The following UNC13A variants were observed in gnomAD, a reference collection of about 807,000 sequenced individuals.
UNC13A encodes the protein protein unc-13 homolog A.
In UNC13A, 61 loss-of-function variants were observed where a neutral mutation model predicts 219.7. The observed-to-expected ratio is 0.28, with a 90% CI of 0.23 to 0.34. The LOEUF (loss-of-function observed/expected upper bound fraction) is 0.34. Ranked by LOEUF, UNC13A falls within the 10% of genes least tolerant of loss-of-function variation. The pLI, the probability that UNC13A is intolerant of heterozygous loss-of-function variation, is 1.00. For synonymous variants in UNC13A, 920 were observed against 884.6 expected (o/e 1.04, Z -0.71); for missense variants, 1,476 against 2,270.3 (o/e 0.65, Z 7.11).
At chr19:17,656,499 G>T (rs8106594) in intron 9 of UNC13A, 101 bp from the exon 10 acceptor site, 225,278 of 1,189,008 alleles carry the variant, frequency 0.19, 23,167 homozygotes, top group African/African-American at 0.35. Flanking sequence ...GAGCACCTAC[G>T]ATGTGCCAGG....
chr19:17,610,680 C>T (rs1049260245), intron 42 of UNC13A, among the ~76,000 whole-genome samples: 8 of 152,094 alleles, frequency 5.3e-5, no homozygotes, highest in Admixed American at 1.3e-4. Flanking sequence ...TTCCTCTAGC[C>T]GCAGTCTGCA....
chr19:17,623,092 G>C (rs2076745841), intron 36 of UNC13A: 1 of 166,828 alleles, frequency 6.0e-6, no homozygotes, highest in African/African-American at 2.4e-5. Flanking sequence ...AGAGGAATCA[G>C]AAGTAGAGAC....
intron 16 of UNC13A, 96 bp from the exon 17 acceptor site, chr19:17,647,588 A>G: frequency 8.1e-7 from 1 of 1,239,206 alleles, no homozygotes. Flanking sequence ...AACCGGGGGG[A>G]CTCAGGTGTC....
At chr19:17,652,605 C>G in intron 12 of UNC13A, 26 bp downstream of exon 12, 1 of 1,613,776 alleles carries the variant, frequency 6.2e-7, no homozygotes, top group South Asian at 1.1e-5. Flanking sequence ...AATCTTCCTC[C>G]CACCGCTCAC....
At chr19:17,648,356 C>T (rs1479187243) in intron 16 of UNC13A, 75 bp downstream of exon 16, 2 of 994,706 alleles carry the variant, frequency 2.0e-6, no homozygotes, top group African/African-American at 3.6e-5. Context: ...CCTTGCCCTT[C>T]AGCCTTTCCC....
intron 26 of UNC13A, among the ~76,000 whole-genome samples, chr19:17,633,575 A>T (rs1198522061): frequency 1.3e-5 from 2 of 150,346 alleles, no homozygotes; most frequent in East Asian, 3.9e-4. Context: ...CCATCCAACC[A>T]TCCCTTCATC....
intron 43 of UNC13A, among the ~76,000 whole-genome samples, chr19:17,609,014 A>G (rs1195986777): frequency 5.0e-5 from 7 of 139,324 alleles, no homozygotes; most frequent in African/African-American, 1.1e-4. Context: ...CTGGAGTGCA[A>G]TGGCTCGATC....
chr19:17,654,273 A>G (rs549277953), intron 11 of UNC13A, among the ~76,000 whole-genome samples: 1 of 152,190 alleles, frequency 6.6e-6, no homozygotes, highest in African/African-American at 2.4e-5. Flanking sequence ...TTTCTTGTAT[A>G]TCACATAGTT....
intron 8 of UNC13A, among the ~76,000 whole-genome samples, chr19:17,659,746 G>C (rs760682533): frequency 6.6e-6 from 1 of 152,164 alleles, no homozygotes; most frequent in Admixed American, 6.6e-5. Flanking sequence ...TGCAGTCTGG[G>C]TGTCAGAATG....
chr19:17,624,989 T>C (rs2076767820), intron 34 of UNC13A, 37 bp from the exon 35 acceptor site: 1 of 1,598,500 alleles, frequency 6.3e-7, no homozygotes, highest in Non-Finnish European at 8.5e-7. Flanking sequence ...AGGGCCCAGC[T>C]CGCCCCCACC....
At position 17,640,057 on chromosome 19, in the gene UNC13A, C is replaced by T. The variant is rs1488905629; in HGVS notation, c.2788-149G>A. Reference sequence around the variant, plus strand: ...TGGCATTTTTTTTTTTGTTTTGAGACAGAGTCTTGCTCTGTTGCCCAGGCT... The same window carrying T: ...TGGCATTTTTTTTTTTGTTTTGAGATAGAGTCTTGCTCTGTTGCCCAGGCT... On this transcript the variant is annotated intron_variant, in intron 22 of 43. Coordinates refer to ENST00000519716, the MANE Select transcript of UNC13A (RefSeq NM_001080421.3). The T allele has an allele frequency of 2.3e-5, 18 of 796,346 alleles. 1 individual carries two copies. The highest frequency in any genetic ancestry group is 8.6e-5 in the East Asian group (3 of 34,818). The allele number at this position is 796,346 out of a possible 1,614,324, so 49.3% of individuals were successfully genotyped here. A position where few individuals can be genotyped will look rare whatever the true frequency, so the allele number is the denominator to read the frequency against.
chr19:17,630,785 T>A lies in UNC13A; in HGVS notation c.3429-35A>T, dbSNP rs751612908. The A allele has an allele frequency of 3.1e-6, 5 of 1,591,488 alleles. No homozygotes were observed. The African/African-American group carries it at 6.7e-5, about 21-fold the overall frequency. ...AGAGCCGGGGTGGGGCTCTGCCACC[T>A]CTTGTCCTCCTCAACCTCTGCGCCG... On this transcript the variant is annotated intron_variant, in intron 28 of 43. Transcript: ENST00000519716.
intron 40 of UNC13A, among the ~76,000 whole-genome samples, 159 bp downstream of exon 40, chr19:17,618,262 C>T (rs1424740909): frequency 6.6e-6 from 1 of 152,248 alleles, no homozygotes; most frequent in Non-Finnish European, 1.5e-5. Context: ...CTTAAGGCTC[C>T]AGCATTAGCC....
At chr19:17,621,277 T>C (rs1321725762) in intron 37 of UNC13A, among the ~76,000 whole-genome samples, 1 of 152,112 alleles carries the variant, frequency 6.6e-6, no homozygotes, top group Non-Finnish European at 1.5e-5. Flanking sequence ...GGACACTGAA[T>C]GTGCCCCGCA....
Position 17,639,225 on chromosome 19 carries a change from G to A in UNC13A, c.2947-8C>T. 6.2e-7 allele frequency: 1 copy of A among 1,613,798 alleles called. No individual in the cohort carries two copies. Among genetic ancestry groups the A allele is most frequent in the Non-Finnish European group, 8.5e-7 (1 of 1,179,826 alleles). ...GCTCTGGAGTTCTTGTACCTGAAGG[G>A]AGGGAGAGAGGCATAGGCGGCCACA... On this transcript the variant is annotated splice_polypyrimidine_tract_variant and splice_region_variant and intron_variant, in intron 24 of 43. Transcript: ENST00000519716.
chr19:17,661,641 C>T (rs995613250), intron 8 of UNC13A, among the ~76,000 whole-genome samples: 1 of 151,818 alleles, frequency 6.6e-6, no homozygotes, highest in Non-Finnish European at 1.5e-5. Context: ...TTGCAGTGAG[C>T]AGTGATCGCA....
At chr19:17,668,313 T>C in intron 5 of UNC13A, 123 bp from the exon 6 acceptor site, 2 of 892,088 alleles carry the variant, frequency 2.2e-6, no homozygotes, top group Non-Finnish European at 3.5e-6. Context: ...GCCTCAGAAG[T>C]AGGGGTGGGT....
chr19:17,608,587 G>A (rs1277255383), intron 43 of UNC13A, among the ~76,000 whole-genome samples: 3 of 148,742 alleles, frequency 2.0e-5, no homozygotes, highest in Admixed American at 6.8e-5. Flanking sequence ...GTGCGATCTC[G>A]GCTCACTGCA....
In UNC13A at chr19:17,639,110, C is replaced by G. The variant is rs2145035059; in HGVS notation, c.3054G>C (p.Leu1018=). 1.9e-6 allele frequency: 3 copies of G among 1,610,088 alleles called. No individual in the cohort carries two copies. Among genetic ancestry groups the G allele is most frequent in the Non-Finnish European group, 2.5e-6 (3 of 1,178,222 alleles). ...YEYIFNNCHE[L]YSREYQTDPA... is the part of the protein sequence containing the mutation. ...GGTCTGTCTGGTACTCCCGGCTGTA[C>G]AGTTCATGGCAGTTATTGAAGATGT... Residue 1018 remains leucine (L), a synonymous_variant, in exon 25 of 44, where the codon CTG becomes CTC. Transcript: ENST00000519716.
Sources: allele counts gnomAD v4.1 joint callset (sites outside exome capture counted in the v4.1 genomes callset), GRCh38; gene constraint gnomAD v4.1.1; transcripts MANE v1.5; gene names NCBI Gene and HGNC (gene_info 2026-07-23, HGNC 2026-07-21).